The following RGS17 variants were observed in gnomAD, a reference collection of about 807,000 sequenced individuals.
The protein encoded by RGS17 is regulator of G-protein signaling 17.
In RGS17, 12 loss-of-function variants were observed where a neutral mutation model predicts 25.5. That is an observed-to-expected ratio of 0.47 (90% CI 0.30 to 0.76). The LOEUF is 0.76. Ranked by LOEUF, RGS17 falls within the 30% of genes least tolerant of loss-of-function variation. The pLI is 0.07. For missense variants in RGS17, 196 were observed against 242.2 expected, an observed-to-expected ratio of 0.81 and a Z score of 1.27; for synonymous variants, 71 against 76.9, an observed-to-expected ratio of 0.92 and a Z score of 0.40.
intron 2 of RGS17, among the ~76,000 whole-genome samples, chr6:153,041,694 G>C (rs1055045263): frequency 2.0e-5 from 3 of 152,182 alleles, no homozygotes; most frequent in Admixed American, 6.5e-5. Flanking sequence ...GTGCAAATGA[G>C]CACTAGAAGT....
At chr6:153,029,171 T>G (rs1473072299) in intron 2 of RGS17, among the ~76,000 whole-genome samples, 1 of 152,242 alleles carries the variant, frequency 6.6e-6, no homozygotes, top group Non-Finnish European at 1.5e-5. Context: ...AATGTTTAAC[T>G]ATTCACTGTG....
intron 1 of RGS17, among the ~76,000 whole-genome samples, chr6:153,080,945 G>A (rs1364620525): frequency 2.7e-5 from 4 of 150,820 alleles, no homozygotes; most frequent in Non-Finnish European, 5.9e-5. Context: ...TTCCATTTTG[G>A]AATAAATATA....
At position 153,053,973 on chromosome 6, in the gene RGS17, ATATGTATATATG is replaced by A. The variant is rs1776503044; in HGVS notation, c.-25-9942_-25-9931del. ...ATATACATATATATTATATACATAT[ATATGTATATATG>A]TATATAATATATATACATATATACG... On this transcript the variant is annotated intron_variant, in intron 1 of 4. Transcript: ENST00000206262. Among the ~76,000 whole-genome samples the A allele has an allele frequency of 1.4e-4, 6 of 43,688 alleles. 1 individual carries two copies. The highest frequency in any genetic ancestry group is 2.0e-4 in the Non-Finnish European group (5 of 24,656). 28.7% of individuals were successfully genotyped at this position (43,688 alleles called of 152,430 possible).
rs1779276664 is a variant in RGS17 at position 153,024,316 on chromosome 6, T to C, written c.390A>G (p.Glu130=). Residue 130 remains glutamate, a synonymous_variant, in exon 4 of 5, where the codon GAA becomes GAG. Coordinates refer to ENST00000206262, the MANE Select transcript of RGS17 (RefSeq NM_012419.5). The part of the protein sequence containing the change: ...LKKEQNKKVI[E]EKARMIYEDY... ...CTTCATATATCATCCTAGCCTTTTCTTCAATTACTTTTTTGTTCTGCTCCT... is the reference window on the plus strand; with the variant it reads ...CTTCATATATCATCCTAGCCTTTTCCTCAATTACTTTTTTGTTCTGCTCCT... 6.2e-7 allele frequency: 1 copy of C among 1,613,858 alleles called. No individual in the cohort carries two copies. The highest frequency in any genetic ancestry group is 1.3e-5 in the African/African-American group (1 of 74,942).
intron 4 of RGS17, chr6:153,023,337 A>G (rs1779265273): frequency 7.9e-6 from 4 of 506,348 alleles, no homozygotes; most frequent in South Asian, 5.8e-5. Flanking sequence ...TGTTTAGGAG[A>G]AACAAAAAAG....
At chr6:153,085,084 A>G (rs1441119301) in intron 1 of RGS17, among the ~76,000 whole-genome samples, 1 of 152,120 alleles carries the variant, frequency 6.6e-6, no homozygotes, top group Non-Finnish European at 1.5e-5. Context: ...GTACTTTTCC[A>G]TGGTTGTAGT....
chr6:153,098,207 TAG>T (rs1777245951), intron 1 of RGS17, among the ~76,000 whole-genome samples: 2 of 152,062 alleles, frequency 1.3e-5, no homozygotes, highest in Admixed American at 6.6e-5. Context: ...GAGGGAAATA[TAG>T]AGTCTTTCAG....
chr6:153,016,538 CAAATA>C (rs1352973604), intron 4 of RGS17, among the ~76,000 whole-genome samples: 14 of 152,172 alleles, frequency 9.2e-5, no homozygotes, highest in South Asian at 2.1e-4. Context: ...TATCTTAAGA[CAAATA>C]AAATAAACTA....
At chr6:153,123,184 GCTTTT>G (rs1185341098) in intron 1 of RGS17, among the ~76,000 whole-genome samples, 1 of 150,566 alleles carries the variant, frequency 6.6e-6, no homozygotes, top group Non-Finnish European at 1.5e-5. Flanking sequence ...GTTTTCCTTT[GCTTTT>G]ATCTAGTGAA....
chr6:153,018,602 A>G (rs1779208823), intron 4 of RGS17, among the ~76,000 whole-genome samples: 1 of 152,194 alleles, frequency 6.6e-6, no homozygotes, highest in Non-Finnish European at 1.5e-5. Flanking sequence ...TTTGAATTTT[A>G]CCTTCTCAGA....
intron 4 of RGS17, among the ~76,000 whole-genome samples, chr6:153,015,121 A>G (rs1270204044): frequency 1.3e-5 from 2 of 152,244 alleles, no homozygotes; most frequent in Non-Finnish European, 2.9e-5. Flanking sequence ...TTTCATAATA[A>G]AACTCTAAAG....
rs1777769596 is a variant in RGS17 at position 153,130,432 on chromosome 6, G to A, written c.-26+692C>T. Among the ~76,000 whole-genome samples, 1 of 151,582 alleles carries A rather than the reference G, an allele frequency of 6.6e-6. No homozygotes were observed. The highest frequency in any genetic ancestry group is 6.6e-5 in the Admixed American group (1 of 15,234). Reference sequence around the variant, plus strand: ...CAGGACTCCCTTTCCTTTGACTAAGGGGAGGGGAAGGAACAAAAGAGACCC... The same window carrying A: ...CAGGACTCCCTTTCCTTTGACTAAGAGGAGGGGAAGGAACAAAAGAGACCC... On this transcript the variant is annotated intron_variant, in intron 1 of 4. Coordinates refer to ENST00000206262, the MANE Select transcript of RGS17 (RefSeq NM_012419.5). This position sits in a 1 kb window ranked among gnomAD's most constrained non-coding sequence, Gnocchi z 6.4.
At position 153,074,429 on chromosome 6, in the gene RGS17, CTTAACT is replaced by C. The variant is rs141257587; in HGVS notation, c.-25-30392_-25-30387del. Among the ~76,000 whole-genome samples, 857 of 152,290 alleles carry C rather than the reference CTTAACT, an allele frequency of 5.6e-3. 6 individuals carry two copies. The highest frequency in any genetic ancestry group is 0.026 in the South Asian group (124 of 4,826). On this transcript the variant is annotated intron_variant, in intron 1 of 4. Transcript: ENST00000206262. Reference sequence around the variant, plus strand: ...TCTTCATTTAGTTTGGGTCTGCATTCTTAACTTTAACCAGTCACATAAAAAGTTACT... The same window carrying C: ...TCTTCATTTAGTTTGGGTCTGCATTCTTAACCAGTCACATAAAAAGTTACT...
intron 1 of RGS17, among the ~76,000 whole-genome samples, chr6:153,046,063 T>C (rs139757725): frequency 1.6e-3 from 242 of 152,290 alleles, no homozygotes; most frequent in African/African-American, 5.5e-3. Flanking sequence ...AACTGGAAGA[T>C]ATTATATTAA....
intron 1 of RGS17, among the ~76,000 whole-genome samples, chr6:153,115,179 AC>A (rs1199213063): frequency 2.0e-5 from 3 of 152,172 alleles, no homozygotes; most frequent in African/African-American, 7.2e-5. Context: ...TATTTAGAAA[AC>A]CCCATCATTT....
Position 153,029,579 on chromosome 6 carries a change from T to TTTTTTC in RGS17, c.120-3042_120-3037dup, listed in dbSNP as rs535073914. 3.8e-4 allele frequency among the ~76,000 whole-genome samples: 58 copies of TTTTTTC among 152,018 alleles called. 1 individual carries two copies. The East Asian group carries it at 0.011, about 28-fold the overall frequency. On this transcript the variant is annotated intron_variant, in intron 2 of 4. Transcript: ENST00000206262. ...TTGAGGGTCCCATAGAGACACTTTT[T>TTTTTTC]TTTTTCTTTTTCTTTTTCTTTTTTT...
chr6:153,007,574 CTT>C lies in RGS17; in HGVS notation c.*3998_*3999del, dbSNP rs1251035166. On this transcript the variant is annotated 3_prime_UTR_variant, in exon 5 of 5. Transcript: ENST00000206262. ...ATCTATAGGCATTTTCTGTCTAAGA[CTT>C]AAAAATATTATTATTATAATTATTA... 6.6e-6 allele frequency: 1 copy of C among 151,716 alleles called. No homozygotes were observed. The highest frequency in any genetic ancestry group is 1.5e-5 in the Non-Finnish European group (1 of 67,934). 9.4% of individuals were successfully genotyped at this position (151,716 alleles called of 1,614,324 possible). A position where few individuals can be genotyped will look rare whatever the true frequency, so the allele number is the denominator to read the frequency against.
At chr6:153,096,315 A>C (rs1777211348) in intron 1 of RGS17, among the ~76,000 whole-genome samples, 1 of 152,216 alleles carries the variant, frequency 6.6e-6, no homozygotes, top group Admixed American at 6.5e-5. Context: ...TTGCTGTGTA[A>C]TATAGAAATG....
At chr6:153,062,817 G>A (rs1776657225) in intron 1 of RGS17, among the ~76,000 whole-genome samples, 1 of 152,054 alleles carries the variant, frequency 6.6e-6, no homozygotes, top group Non-Finnish European at 1.5e-5. Flanking sequence ...AACAGGATAT[G>A]GCACTAATCG....
Sources: allele counts gnomAD v4.1 joint callset (sites outside exome capture counted in the v4.1 genomes callset), GRCh38; gene constraint gnomAD v4.1.1; non-coding constraint Gnocchi (gnomAD v3.1); transcripts MANE v1.5; gene names NCBI Gene and HGNC (gene_info 2026-07-23, HGNC 2026-07-21).